The following TASP1 variants were observed in gnomAD, a reference collection of about 807,000 sequenced individuals.
The protein encoded by TASP1 is threonine aspartase 1.
In TASP1, 16 loss-of-function variants were observed where a neutral mutation model predicts 56.6. The observed-to-expected ratio is 0.28, with a 90% confidence interval of 0.19 to 0.43. The LOEUF is 0.43. Among genes scored for constraint, TASP1 ranks in the 20% least tolerant of loss-of-function variants. The probability of loss-of-function intolerance (pLI) is 1.00; values close to 1 mark genes in which losing one functional copy is unlikely to be tolerated. For missense variants in TASP1, 393 were observed against 511.6 expected (o/e 0.77, Z 2.24); for synonymous variants, 179 against 184.2 (o/e 0.97, Z 0.23).
At chr20:13,544,067 A>G (rs2045718194) in intron 8 of TASP1, among the ~76,000 whole-genome samples, 1 of 152,210 alleles carries the variant, frequency 6.6e-6, no homozygotes, top group Non-Finnish European at 1.5e-5. Context: ...TATGGGAGTA[A>G]TCCTTATTTC....
the TASP1 span, among the ~76,000 whole-genome samples, chr20:13,123,203 C>T: frequency 7.2e-5 from 11 of 151,992 alleles, no homozygotes; most frequent in South Asian, 2.1e-4. Flanking sequence ...TGGTGGCACA[C>T]GCCTGTATTC....
At chr20:13,636,865 T>A (rs1482416184) in intron 1 of TASP1, among the ~76,000 whole-genome samples, 1 of 151,728 alleles carries the variant, frequency 6.6e-6, no homozygotes, top group African/African-American at 2.4e-5. Flanking sequence ...TACAGAAAAA[T>A]TAACTCTAAA....
At chr20:13,419,836 G>A (rs1344640024) in intron 12 of TASP1, among the ~76,000 whole-genome samples, 1 of 152,178 alleles carries the variant, frequency 6.6e-6, no homozygotes, top group Non-Finnish European at 1.5e-5. Context: ...CTCAACAGAC[G>A]CTCCACTGAA....
intron 10 of TASP1, among the ~76,000 whole-genome samples, chr20:13,492,668 C>T (rs2043577748): frequency 6.6e-6 from 1 of 152,198 alleles, no homozygotes; most frequent in Non-Finnish European, 1.5e-5. Context: ...CTCACCGACA[C>T]ATATTTAGCG....
intron 9 of TASP1, among the ~76,000 whole-genome samples, chr20:13,532,247 C>T (rs1366720301): frequency 6.6e-6 from 1 of 152,234 alleles, no homozygotes; most frequent in Admixed American, 6.5e-5. Context: ...CACATATCTA[C>T]AGCAGGGTAA....
chr20:13,436,062 A>T (rs1254088687), intron 11 of TASP1, among the ~76,000 whole-genome samples: 1 of 152,184 alleles, frequency 6.6e-6, no homozygotes, highest in African/African-American at 2.4e-5. Context: ...AAGAAGACAG[A>T]CAAGTGGTTG....
At chr20:13,149,019 C>T in the TASP1 span, among the ~76,000 whole-genome samples, 3 of 152,184 alleles carry the variant, frequency 2.0e-5, no homozygotes, top group African/African-American at 7.2e-5. Context: ...GATTTTTAGG[C>T]TGTTCAGGTG....
At chr20:13,461,169 C>T (rs901872622) in intron 11 of TASP1, among the ~76,000 whole-genome samples, 4 of 152,166 alleles carry the variant, frequency 2.6e-5, no homozygotes, top group African/African-American at 9.7e-5. Context: ...CCACATGGCT[C>T]TCTCCATCAC....
chr20:13,343,142 G>A, the TASP1 span, among the ~76,000 whole-genome samples: 1 of 152,178 alleles, frequency 6.6e-6, no homozygotes, highest in African/African-American at 2.4e-5. Context: ...CCCACTCAGT[G>A]ACATTCCTGG....
chr20:13,357,492 T>C, the TASP1 span, among the ~76,000 whole-genome samples: 1 of 152,232 alleles, frequency 6.6e-6, no homozygotes, highest in Non-Finnish European at 1.5e-5. Flanking sequence ...GTTTTCTCAC[T>C]GTTAAATTCC....
Position 13,554,471 on chromosome 20 carries a change from T to C in TASP1, c.675+4537A>G, listed in dbSNP as rs138366100. On this transcript the variant is annotated intron_variant, in intron 8 of 13. Coordinates refer to ENST00000337743, the MANE Select transcript of TASP1 (RefSeq NM_017714.3). ...TAAAGTCTTCTGGCTTTAATTTGTA[T>C]TTCTACTTGTACTGTGATAATGTTT... is the stretch of plus-strand genomic sequence containing the variant. Among the ~76,000 whole-genome samples, 164 of 152,324 alleles carry C rather than the reference T, an allele frequency of 1.1e-3. 1 individual carries two copies. Among genetic ancestry groups the C allele is most frequent in the South Asian group, 9.9e-3 (48 of 4,828 alleles).
intron 7 of TASP1, among the ~76,000 whole-genome samples, chr20:13,561,851 T>C (rs2046353700): frequency 6.7e-6 from 1 of 149,944 alleles, no homozygotes; most frequent in African/African-American, 2.4e-5. Context: ...AATTTTAGAA[T>C]GTTAAATGTA....
At chr20:13,576,848 G>A (rs761782310) in intron 6 of TASP1, among the ~76,000 whole-genome samples, 3 of 152,074 alleles carry the variant, frequency 2.0e-5, no homozygotes, top group Non-Finnish European at 4.4e-5. Context: ...TAATAAAGAC[G>A]CAGCCATCAC....
the TASP1 span, among the ~76,000 whole-genome samples, chr20:13,181,312 C>G: frequency 2.6e-5 from 4 of 152,082 alleles, no homozygotes; most frequent in South Asian, 2.1e-4. Context: ...ATCAATGAAC[C>G]CTTTACGGCA....
chr20:13,212,268 T>C, the TASP1 span, among the ~76,000 whole-genome samples: 1 of 152,144 alleles, frequency 6.6e-6, no homozygotes, highest in East Asian at 1.9e-4. Flanking sequence ...CTACAAAATG[T>C]ACAGCCACTA....
chr20:13,182,621 A>G, the TASP1 span, among the ~76,000 whole-genome samples: 1 of 152,210 alleles, frequency 6.6e-6, no homozygotes, highest in African/African-American at 2.4e-5. Flanking sequence ...ATGCCAATCA[A>G]TTGTTAAACA....
Position 13,587,239 on chromosome 20 carries a change from T to C in TASP1, c.403+11A>G, listed in dbSNP as rs529022200. The C allele has an allele frequency of 8.1e-6, 13 of 1,599,630 alleles. No individual in the cohort carries two copies. In the Admixed American group the frequency reaches 8.9e-5, roughly 11 times the overall value. On this transcript the variant is annotated intron_variant, in intron 5 of 13. Coordinates refer to ENST00000337743, the MANE Select transcript of TASP1 (RefSeq NM_017714.3). ...ATTTTCCAAAGATAGTAGGTCATAA[T>C]GCCCACATACCACTCAGTGCTCCAA... is the stretch of plus-strand genomic sequence containing the variant.
At chr20:13,587,195 T>A in intron 5 of TASP1, 55 bp downstream of exon 5, 1 of 1,554,806 alleles carries the variant, frequency 6.4e-7, no homozygotes, top group Admixed American at 2.1e-5. Flanking sequence ...TTAGAAGGCA[T>A]GAAATGGTCA....
chr20:13,283,409 TAG>T, the TASP1 span, among the ~76,000 whole-genome samples: 1 of 152,040 alleles, frequency 6.6e-6, no homozygotes, highest in Non-Finnish European at 1.5e-5. Context: ...GTGGAGGAGG[TAG>T]ATCTCAGAGT....
Sources: gnomAD v4.1 joint callset for allele counts (sites outside exome capture counted in the v4.1 genomes callset) on GRCh38, gnomAD v4.1.1 for gene constraint, MANE v1.5 for transcripts, NCBI Gene and HGNC (gene_info 2026-07-23, HGNC 2026-07-21) for gene names.